OSBPL10: variants seen among roughly 807,000 people sequenced by gnomAD.
The protein encoded by OSBPL10 is oxysterol binding protein like 10, also known as oxysterol-binding protein-related protein 10.
OSBPL10 carries 49 observed loss-of-function variants against 81.7 expected under a neutral mutation model. The observed-to-expected ratio is 0.60, with a 90% CI of 0.48 to 0.76. The LOEUF (loss-of-function observed/expected upper bound fraction) is 0.76, where lower values mean the gene tolerates loss of function less well. OSBPL10 is among the 30% of genes least tolerant of loss of function. The probability of loss-of-function intolerance (pLI) is 0.00; values close to 1 mark genes in which losing one functional copy is unlikely to be tolerated. For synonymous variants in OSBPL10, 419 were observed against 383.6 expected, an observed-to-expected ratio of 1.09 and a Z score of -1.08; for missense variants, 923 against 987.8, an observed-to-expected ratio of 0.93 and a Z score of 0.88.
chr3:31,994,899 A>G (rs984336097), intron 2 of OSBPL10, among the ~76,000 whole-genome samples: 3 of 152,318 alleles, frequency 2.0e-5, no homozygotes, highest in African/African-American at 7.2e-5. Flanking sequence ...AAAGAGTACA[A>G]AGAGAGGAAT....
intron 1 of OSBPL10, among the ~76,000 whole-genome samples, chr3:31,947,731 G>A (rs1032128016): frequency 6.6e-6 from 1 of 152,198 alleles, no homozygotes; most frequent in Non-Finnish European, 1.5e-5. Flanking sequence ...TGACAGGCTG[G>A]AGGAGAAAAA....
intron 3 of OSBPL10, among the ~76,000 whole-genome samples, chr3:31,872,401 T>G (rs1037254257): frequency 6.6e-6 from 1 of 151,904 alleles, no homozygotes; most frequent in Non-Finnish European, 1.5e-5. Flanking sequence ...CTGGGCGAGA[T>G]AGCCAGACCT....
At chr3:31,727,406 G>A (rs1486853656) in intron 6 of OSBPL10, among the ~76,000 whole-genome samples, 1 of 151,940 alleles carries the variant, frequency 6.6e-6, no homozygotes, top group African/African-American at 2.4e-5. Context: ...AAAAAAAAAG[G>A]TCTATTCTAC....
intron 1 of OSBPL10, among the ~76,000 whole-genome samples, chr3:31,971,812 C>G (rs1168966432): frequency 6.6e-6 from 1 of 152,074 alleles, no homozygotes; most frequent in Non-Finnish European, 1.5e-5. Flanking sequence ...TACAAAGGAG[C>G]ACTCGGTAGT....
chr3:31,717,755 AG>A (rs1428550098), intron 6 of OSBPL10, among the ~76,000 whole-genome samples: 3 of 152,254 alleles, frequency 2.0e-5, no homozygotes, highest in African/African-American at 7.2e-5. Flanking sequence ...AGGATGTAAG[AG>A]GGTAATTGCA....
chr3:32,040,695 G>C (rs1349061826), intron 2 of OSBPL10, among the ~76,000 whole-genome samples: 2 of 152,054 alleles, frequency 1.3e-5, no homozygotes, highest in Non-Finnish European at 2.9e-5. Flanking sequence ...ACATTAGCTG[G>C]CTGTGGTGGC....
intron 5 of OSBPL10, among the ~76,000 whole-genome samples, chr3:31,735,712 C>T (rs1369933008): frequency 1.3e-5 from 2 of 151,194 alleles, no homozygotes; most frequent in African/African-American, 2.4e-5. Flanking sequence ...CTGTGTAGAT[C>T]CAGGAGTCAG....
At chr3:31,812,177 G>T (rs922862166) in intron 4 of OSBPL10, among the ~76,000 whole-genome samples, 48 of 152,050 alleles carry the variant, frequency 3.2e-4, no homozygotes, top group Admixed American at 2.2e-3. Context: ...GATTACAGGC[G>T]CCTGCCACCA....
In OSBPL10 at chr3:31,962,942, A is replaced by G. The variant is rs138041756; in HGVS notation, c.281+17957T>C. Among the ~76,000 whole-genome samples the G allele has an allele frequency of 2.6e-5, 4 of 152,344 alleles. No individual in the cohort carries two copies. The East Asian group carries it at 5.8e-4, about 22-fold the overall frequency. ...CTTGCAATACAATGACTTGCTTTCA[A>G]TCAAAAGACTTCACTTTTGTGGCAA... On this transcript the variant is annotated intron_variant, in intron 1 of 11. Transcript: ENST00000396556.
chr3:31,916,025 G>A (rs1696748960), intron 1 of OSBPL10, among the ~76,000 whole-genome samples: 1 of 151,034 alleles, frequency 6.6e-6, no homozygotes, highest in Non-Finnish European at 1.5e-5. Context: ...GAACCCGGGA[G>A]GTGGAGGTTG....
chr3:31,724,174 A>G (rs749413351), intron 6 of OSBPL10, among the ~76,000 whole-genome samples: 4 of 152,244 alleles, frequency 2.6e-5, no homozygotes, highest in Non-Finnish European at 5.9e-5. Context: ...GGGAAAACTC[A>G]GACTAAACAC....
Position 31,816,782 on chromosome 3 carries a change from T to C in OSBPL10, c.729+13258A>G, listed in dbSNP as rs980878935. On this transcript the variant is annotated intron_variant, in intron 4 of 11. Transcript: ENST00000396556. ...CAGCTCAGAGGAGACCCGTAGCGGG[T>C]GACTCCTTTCTGTAGGCAGGCCGTC... Among the ~76,000 whole-genome samples, 6 of 152,210 alleles carry C rather than the reference T, an allele frequency of 3.9e-5. No homozygotes were observed. In the East Asian group the frequency reaches 9.7e-4, roughly 25 times the overall value.
chr3:31,989,142 G>A (rs759611820), intron 2 of OSBPL10: 31 of 1,614,190 alleles, frequency 1.9e-5, no homozygotes, highest in Non-Finnish European at 2.6e-5. Context: ...CTCTTCCTCA[G>A]GGACACTTGA....
At chr3:32,067,273 C>T (rs761800442) in intron 1 of OSBPL10, among the ~76,000 whole-genome samples, 2 of 152,044 alleles carry the variant, frequency 1.3e-5, no homozygotes, top group Non-Finnish European at 2.9e-5. Flanking sequence ...CAATTTATAT[C>T]TTGCCTTCCC....
intron 3 of OSBPL10, among the ~76,000 whole-genome samples, chr3:31,871,749 G>A (rs1033334447): frequency 1.3e-5 from 2 of 152,196 alleles, no homozygotes; most frequent in Non-Finnish European, 2.9e-5. Context: ...TGTGGCCCCA[G>A]CTGCTCAGGA....
At chr3:31,754,714 CTG>C (rs1697836944) in intron 4 of OSBPL10, among the ~76,000 whole-genome samples, 1 of 152,304 alleles carries the variant, frequency 6.6e-6, no homozygotes. Flanking sequence ...CTACTCAACT[CTG>C]TCACTGTAGC....
chr3:31,751,793 CTA>C (rs1306433853), intron 4 of OSBPL10, among the ~76,000 whole-genome samples: 3 of 152,190 alleles, frequency 2.0e-5, no homozygotes, highest in African/African-American at 7.2e-5. Flanking sequence ...AAACAGAACT[CTA>C]GTCTTTAATG....
rs138198244 is a variant in OSBPL10, at chr3:31,807,197, T to C, written c.729+22843A>G. 5.8e-3 allele frequency among the ~76,000 whole-genome samples: 877 copies of C among 151,358 alleles called. 4 individuals carry two copies. The highest frequency in any genetic ancestry group is 9.3e-3 in the Non-Finnish European group (632 of 67,870). ...GAGTTTTAGACCAGCCTGGTCAACA[T>C]GGTGAAACCCTGTCTCTACTGAAAA... On this transcript the variant is annotated intron_variant, in intron 4 of 11. Transcript: ENST00000396556.
intron 4 of OSBPL10, among the ~76,000 whole-genome samples, chr3:31,781,359 T>C (rs967550413): frequency 1.3e-5 from 2 of 152,026 alleles, no homozygotes; most frequent in South Asian, 2.1e-4. Context: ...AACATTACAC[T>C]AAAATGGGGG....
Sources: gnomAD v4.1 joint callset for allele counts (sites outside exome capture counted in the v4.1 genomes callset) on GRCh38, gnomAD v4.1.1 for gene constraint, MANE v1.5 for transcripts, NCBI Gene and HGNC (gene_info 2026-07-23, HGNC 2026-07-21) for gene names.